The following NR6A1 variants were observed in gnomAD, a reference collection of about 807,000 sequenced individuals.
NR6A1 encodes the protein retinoic acid receptor-related testis-associated receptor.
In NR6A1, 7 loss-of-function variants were observed where a neutral mutation model predicts 59.1. That is an observed-to-expected ratio of 0.12 (90% CI 0.07 to 0.22). NR6A1 has a LOEUF of 0.22. NR6A1 is among the 10% of genes least tolerant of loss of function. The pLI, the probability that NR6A1 is intolerant of heterozygous loss-of-function variation, is 1.00. For synonymous variants in NR6A1, 243 were observed against 236.1 expected (o/e 1.03, Z -0.27); for missense variants, 468 against 611.6 (o/e 0.77, Z 2.48).
At chr9:124,682,776 A>G (rs1479909279) in intron 2 of NR6A1, among the ~76,000 whole-genome samples, 1 of 152,236 alleles carries the variant, frequency 6.6e-6, no homozygotes. Context: ...GAAAGTTTGA[A>G]AAACATTGCT....
chr9:124,619,527 C>A (rs910502314), intron 2 of NR6A1, among the ~76,000 whole-genome samples: 3 of 152,054 alleles, frequency 2.0e-5, no homozygotes, highest in Non-Finnish European at 4.4e-5. Context: ...CCTCCCAAAG[C>A]GCTGGGGTTA....
chr9:124,590,590 G>A (rs1351552173), intron 2 of NR6A1, among the ~76,000 whole-genome samples: 1 of 152,176 alleles, frequency 6.6e-6, no homozygotes, highest in African/African-American at 2.4e-5. Context: ...TTAGAAAATA[G>A]TAAATACTTC....
chr9:124,648,336 A>AAAAT (rs1369636536), intron 2 of NR6A1, among the ~76,000 whole-genome samples: 2 of 152,202 alleles, frequency 1.3e-5, no homozygotes, highest in Non-Finnish European at 2.9e-5. Context: ...CATCTCTACC[A>AAAAT]AAATAAATAA....
chr9:124,734,100 T>C (rs567881974), intron 1 of NR6A1, among the ~76,000 whole-genome samples: 1 of 152,368 alleles, frequency 6.6e-6, no homozygotes, highest in Non-Finnish European at 1.5e-5. Context: ...TTCTGTTTGC[T>C]TTCTACTCTT....
chr9:124,583,031 C>T (rs1834819263), intron 2 of NR6A1, among the ~76,000 whole-genome samples: 1 of 152,092 alleles, frequency 6.6e-6, no homozygotes, highest in African/African-American at 2.4e-5. Context: ...AACAAAAGCA[C>T]CCCAAATTAT....
intron 3 of NR6A1, among the ~76,000 whole-genome samples, chr9:124,547,446 T>G (rs927121118): frequency 3.9e-5 from 6 of 152,298 alleles, no homozygotes; most frequent in African/African-American, 1.4e-4. Context: ...TGTAGATAAC[T>G]ATTTGTTAGT....
chr9:124,737,212 T>G (rs1225458847), intron 1 of NR6A1, among the ~76,000 whole-genome samples: 1 of 152,260 alleles, frequency 6.6e-6, no homozygotes, highest in African/African-American at 2.4e-5. Context: ...ACAAAGATCC[T>G]GATTATAAAA....
intron 2 of NR6A1, among the ~76,000 whole-genome samples, chr9:124,589,852 G>A (rs528757159): frequency 6.6e-6 from 1 of 152,056 alleles, no homozygotes; most frequent in South Asian, 2.1e-4. Context: ...AGATCATGAG[G>A]TCAAGAGATC....
chr9:124,680,431 G>A (rs1838110740), intron 2 of NR6A1, among the ~76,000 whole-genome samples: 2 of 152,044 alleles, frequency 1.3e-5, no homozygotes, highest in African/African-American at 4.8e-5. Context: ...TGAGCAGAGG[G>A]ATCAGTGAGA....
At chr9:124,767,513 G>GAAAAAAAAAAAA (rs951834728) in intron 1 of NR6A1, among the ~76,000 whole-genome samples, 59 of 76,426 alleles carry the variant, frequency 7.7e-4, no homozygotes, top group Middle Eastern at 8.2e-3. Flanking sequence ...TACAAAAAAA[G>GAAAAAAAAAAAA]AAAAAAAAAA....
intron 2 of NR6A1, among the ~76,000 whole-genome samples, chr9:124,652,571 T>C (rs944000526): frequency 6.6e-6 from 1 of 152,198 alleles, no homozygotes; most frequent in Non-Finnish European, 1.5e-5. Context: ...TCCTTTCCCT[T>C]TGACACAGCC....
intron 2 of NR6A1, among the ~76,000 whole-genome samples, chr9:124,603,619 TA>T (rs1835505680): frequency 6.6e-6 from 1 of 152,168 alleles, no homozygotes; most frequent in African/African-American, 2.4e-5. Flanking sequence ...TTAACATATA[TA>T]ACATATGTAT....
intron 2 of NR6A1, among the ~76,000 whole-genome samples, chr9:124,669,418 T>A (rs562174197): frequency 2.7e-4 from 41 of 152,342 alleles, no homozygotes; most frequent in African/African-American, 9.6e-4. Context: ...TACTTTTATA[T>A]ATAAGAGACT....
At chr9:124,739,855 T>C (rs1840125247) in intron 1 of NR6A1, among the ~76,000 whole-genome samples, 1 of 152,220 alleles carries the variant, frequency 6.6e-6, no homozygotes, top group South Asian at 2.1e-4. Context: ...AAGCAATGTT[T>C]TAGTTTGACT....
intron 2 of NR6A1, among the ~76,000 whole-genome samples, chr9:124,664,818 C>A (rs914372546): frequency 1.3e-5 from 2 of 151,864 alleles, no homozygotes; most frequent in African/African-American, 2.4e-5. Flanking sequence ...ATATTACCTG[C>A]CTTCATGGAG....
chr9:124,604,635 C>T (rs140318131), intron 2 of NR6A1, among the ~76,000 whole-genome samples: 1 of 151,920 alleles, frequency 6.6e-6, no homozygotes, highest in Non-Finnish European at 1.5e-5. Flanking sequence ...ATGGCAAAAC[C>T]CCGTTTCTAC....
chr9:124,560,652 C>T (rs1215660820), intron 2 of NR6A1, among the ~76,000 whole-genome samples: 1 of 151,942 alleles, frequency 6.6e-6, no homozygotes, highest in East Asian at 1.9e-4. Flanking sequence ...CCTCCGCCTC[C>T]CAGGTTCAAG....
chr9:124,567,145 C>T (rs10121803), intron 2 of NR6A1, among the ~76,000 whole-genome samples: 18,884 of 151,726 alleles, frequency 0.12, 3,102 homozygotes, highest in African/African-American at 0.37. Context: ...GAGAGGACAA[C>T]GGGCGAGTCA....
chr9:124,539,931 G>T (rs991841531), intron 5 of NR6A1, 102 bp downstream of exon 5: 105 of 1,355,108 alleles, frequency 7.7e-5, no homozygotes, highest in Non-Finnish European at 1.0e-4. Flanking sequence ...CAGTACAATG[G>T]CTGAGACAGC....
Sources: allele counts gnomAD v4.1 joint callset (sites outside exome capture counted in the v4.1 genomes callset), GRCh38; gene constraint gnomAD v4.1.1; transcripts MANE v1.5; gene names NCBI Gene and HGNC (gene_info 2026-07-23, HGNC 2026-07-21).